EDN1: variants seen among roughly 807,000 people sequenced by gnomAD.
EDN1 encodes endothelin 1.
EDN1 carries 11 observed loss-of-function variants against 21.7 expected under a neutral mutation model. The observed-to-expected ratio is 0.51, with a 90% CI of 0.32 to 0.84. The LOEUF (loss-of-function observed/expected upper bound fraction) is 0.84, where lower values mean the gene tolerates loss of function less well. EDN1 is among the 40% of genes least tolerant of loss of function. The pLI is 0.03. For synonymous variants in EDN1, 85 were observed against 90.6 expected (o/e 0.94, Z 0.35); for missense variants, 244 against 262.3 (o/e 0.93, Z 0.48).
At chr6:12,288,393 T>C (rs924075943), upstream of EDN1, among the ~76,000 whole-genome samples, 4 of 151,646 alleles carry the variant, frequency 2.6e-5, no homozygotes, top group African/African-American at 9.7e-5. Context: ...GAGAGGGAGG[T>C]CAGGGCACCC....
chr6:12,265,745 G>A, the EDN1 span, among the ~76,000 whole-genome samples: 1 of 152,158 alleles, frequency 6.6e-6, no homozygotes, highest in Non-Finnish European at 1.5e-5. Context: ...TGATGTCTTA[G>A]TTATATGTGT....
chr6:12,243,879 C>T, the EDN1 span, among the ~76,000 whole-genome samples: 1 of 152,048 alleles, frequency 6.6e-6, no homozygotes, highest in Non-Finnish European at 1.5e-5. Context: ...TGGATATAAC[C>T]TAATTTATAC....
chr6:12,273,819 T>C, the EDN1 span, among the ~76,000 whole-genome samples: 1 of 152,102 alleles, frequency 6.6e-6, no homozygotes, highest in Non-Finnish European at 1.5e-5. Context: ...TACTGGAGAA[T>C]TAGAACTGTG....
the EDN1 span, among the ~76,000 whole-genome samples, chr6:12,251,786 T>A: frequency 2.6e-5 from 4 of 152,154 alleles, no homozygotes; most frequent in Non-Finnish European, 2.9e-5. Context: ...ATGGGACCTA[T>A]AAGGAAGCAC....
At chr6:12,277,700 GAA>G in the EDN1 span, among the ~76,000 whole-genome samples, 1 of 152,236 alleles carries the variant, frequency 6.6e-6, no homozygotes, top group Non-Finnish European at 1.5e-5. Context: ...GTCAGCCTGT[GAA>G]AGAGGACTGA....
rs762367157 is a variant in EDN1, at chr6:12,292,534, C to T, written c.233+25C>T. 2.5e-6 allele frequency: 4 copies of T among 1,614,000 alleles called. No individual in the cohort carries two copies. In the African/African-American group the frequency reaches 4.0e-5, roughly 16 times the overall value. On this transcript the variant is annotated intron_variant, in intron 2 of 4. Transcript: ENST00000379375. ...AGTAAGTCTCTAGAGGGCATTGTAA[C>T]CCTAGTCATTCATTAGCGCTGGCTC...
the EDN1 span, among the ~76,000 whole-genome samples, chr6:12,275,515 G>T: frequency 6.6e-6 from 1 of 151,848 alleles, no homozygotes; most frequent in African/African-American, 2.4e-5. Flanking sequence ...CCAACCTTTG[G>T]ACTTGACCAT....
chr6:12,235,742 G>A, the EDN1 span, among the ~76,000 whole-genome samples: 1 of 152,228 alleles, frequency 6.6e-6, no homozygotes, highest in South Asian at 2.1e-4. Context: ...GTGCTCTGCA[G>A]TGGCCATAGG....
At chr6:12,241,015 C>A in the EDN1 span, among the ~76,000 whole-genome samples, 238 of 152,252 alleles carry the variant, frequency 1.6e-3, 3 homozygotes, top group African/African-American at 5.5e-3. Context: ...CATTTACATT[C>A]AGATGAGTGT....
At chr6:12,267,959 A>G in the EDN1 span, among the ~76,000 whole-genome samples, 1 of 152,230 alleles carries the variant, frequency 6.6e-6, no homozygotes, top group Non-Finnish European at 1.5e-5. Context: ...CTTGTGCCAC[A>G]TAAATGGAAC....
the EDN1 span, among the ~76,000 whole-genome samples, chr6:12,277,917 G>A: frequency 6.6e-6 from 1 of 152,332 alleles, no homozygotes; most frequent in East Asian, 1.9e-4. Flanking sequence ...TGGGATTAAG[G>A]CATCATTTGT....
chr6:12,257,434 G>A, the EDN1 span, among the ~76,000 whole-genome samples: 1 of 152,332 alleles, frequency 6.6e-6, no homozygotes, highest in African/African-American at 2.4e-5. Flanking sequence ...TTCATGGTGA[G>A]TTTATGCTGA....
chr6:12,277,203 G>A, the EDN1 span, among the ~76,000 whole-genome samples: 1 of 152,186 alleles, frequency 6.6e-6, no homozygotes, highest in Non-Finnish European at 1.5e-5. Context: ...GGTTGTTTGA[G>A]CAATCCAATG....
chr6:12,288,802 G>T (rs10478687), upstream of EDN1, among the ~76,000 whole-genome samples: 6 of 152,170 alleles, frequency 3.9e-5, no homozygotes, highest in African/African-American at 7.2e-5. Flanking sequence ...AGGGAAAAAA[G>T]GTTTCCCAGC....
the EDN1 span, among the ~76,000 whole-genome samples, chr6:12,270,133 C>T: frequency 6.6e-6 from 1 of 151,994 alleles, no homozygotes; most frequent in African/African-American, 2.4e-5. Flanking sequence ...TCTAATGTCT[C>T]TTTTTTCACT....
chr6:12,247,497 G>C, the EDN1 span, among the ~76,000 whole-genome samples: 1 of 145,198 alleles, frequency 6.9e-6, no homozygotes, highest in East Asian at 2.1e-4. Flanking sequence ...GAATTTAGAA[G>C]TATTCTAAAG....
chr6:12,274,052 A>G, the EDN1 span, among the ~76,000 whole-genome samples: 2 of 152,098 alleles, frequency 1.3e-5, no homozygotes, highest in Non-Finnish European at 2.9e-5. Flanking sequence ...CTTGGTCTTC[A>G]TTCTTATTTT....
chr6:12,275,454 GATCTGTA>G, the EDN1 span, among the ~76,000 whole-genome samples: 1 of 152,112 alleles, frequency 6.6e-6, no homozygotes, highest in African/African-American at 2.4e-5. Flanking sequence ...TGACCCAGCA[GATCTGTA>G]GTTGTTTATT....
the EDN1 span, among the ~76,000 whole-genome samples, chr6:12,239,875 C>T: frequency 6.6e-6 from 1 of 152,056 alleles, no homozygotes; most frequent in Non-Finnish European, 1.5e-5. Context: ...CAACATGGCA[C>T]TTCAGCCTGG....
Sources: allele counts gnomAD v4.1 joint callset (sites outside exome capture counted in the v4.1 genomes callset), GRCh38; gene constraint gnomAD v4.1.1; transcripts MANE v1.5; gene names NCBI Gene and HGNC (gene_info 2026-07-23, HGNC 2026-07-21).